PRPF19: variants seen among roughly 807,000 people sequenced by gnomAD.
The protein encoded by PRPF19 is pre-mRNA-processing factor 19.
A neutral mutation model predicts 64.2 loss-of-function variants in PRPF19; 2 were observed. The ratio of observed to expected loss-of-function variants is 0.03; its 90% CI spans 0.01 to 0.10. PRPF19 has a LOEUF of 0.10. Ranked by LOEUF, PRPF19 falls within the 10% of genes least tolerant of loss-of-function variation. The pLI is 1.00. For missense variants in PRPF19, 314 were observed against 650.0 expected, an observed-to-expected ratio of 0.48 and a Z score of 5.62; for synonymous variants, 226 against 251.6, an observed-to-expected ratio of 0.90 and a Z score of 0.96.
intron 15 of PRPF19, among the ~76,000 whole-genome samples, chr11:60,896,913 G>C (rs572405030): frequency 7.9e-5 from 12 of 152,314 alleles, no homozygotes; most frequent in African/African-American, 2.9e-4. Flanking sequence ...ATGTGTTTTA[G>C]TTTTAAGTTA....
chr11:60,901,186 G>A (rs1468078624), intron 8 of PRPF19, 109 bp downstream of exon 8: 15 of 1,241,580 alleles, frequency 1.2e-5, no homozygotes, highest in African/African-American at 1.5e-5. Context: ...CAGGAACAGC[G>A]CCAGGAACCT....
chr11:60,898,935 G>A lies in PRPF19; in HGVS notation c.985-4C>T. 2 of 1,591,232 alleles carry A rather than the reference G, an allele frequency of 1.3e-6. No individual in the cohort carries two copies. The highest frequency in any genetic ancestry group is 1.7e-6 in the Non-Finnish European group (2 of 1,167,982). On this transcript the variant is annotated splice_region_variant and splice_polypyrimidine_tract_variant and intron_variant, in intron 11 of 15. Transcript: ENST00000227524. This position sits in a 1 kb window ranked among gnomAD's most constrained non-coding sequence, Gnocchi z 4.6. ...GGATGTCAGAGAAAGCCCAGTACTG[G>A]GGAAAAAAAAAGAGACAATGGAGTC...
Position 60,898,400 on chromosome 11 carries a change from G to A in PRPF19, c.1141-129C>T. 1 of 1,523,834 alleles carries A rather than the reference G, an allele frequency of 6.6e-7. No individual in the cohort carries two copies. 94.4% of individuals were successfully genotyped at this position (1,523,834 alleles called of 1,614,324 possible). On this transcript the variant is annotated intron_variant, in intron 13 of 15. Transcript: ENST00000227524. This position sits in a 1 kb window ranked among gnomAD's most constrained non-coding sequence, Gnocchi z 4.6. ...GAAGGACAGCCAGCGGGACCCCCCA[G>A]ACCACACCATCATATCACACACGCA...
At chr11:60,892,794 G>A (rs191575217) in intron 15 of PRPF19, among the ~76,000 whole-genome samples, 92 of 152,252 alleles carry the variant, frequency 6.0e-4, no homozygotes, top group African/African-American at 2.0e-3. Flanking sequence ...ATCTCAACCA[G>A]GGAAAATGAA....
At position 60,898,994 on chromosome 11, in the gene PRPF19, T is replaced by C; in HGVS notation, c.985-63A>G. The C allele has an allele frequency of 6.6e-7, 1 of 1,521,406 alleles. No homozygotes were observed. Among genetic ancestry groups the C allele is most frequent in the Non-Finnish European group, 8.9e-7 (1 of 1,119,728 alleles). The allele number at this position is 1,521,406 out of a possible 1,614,324, so 94.2% of individuals were successfully genotyped here. ...AGTGGGTCCCAGGTTCTGGTGGCCC[T>C]TCAGCAAGACAGAGCCCCTGGTTTG... On this transcript the variant is annotated intron_variant, in intron 11 of 15. Transcript: ENST00000227524. The surrounding 1 kb of genome is among the most constrained non-coding windows in gnomAD (Gnocchi z 4.6).
Position 60,897,684 on chromosome 11 carries a change from G to A in PRPF19, c.1417+162C>T, listed in dbSNP as rs576955913. On this transcript the variant is annotated intron_variant, in intron 15 of 15. Coordinates refer to ENST00000227524, the MANE Select transcript of PRPF19 (RefSeq NM_014502.5). The stretch of plus-strand genomic sequence containing the variant: ...AAGCACTAGCATCTACTGCCATGCA[G>A]TCTGACTCAGTTGCTTCCTTAGTCA... 20 of 605,750 alleles carry A rather than the reference G, an allele frequency of 3.3e-5. No individual in the cohort carries two copies. In the East Asian group the frequency reaches 5.4e-4, roughly 16 times the overall value. The allele number at this position is 605,750 out of a possible 1,614,324, so 37.5% of individuals were successfully genotyped here. A position where few individuals can be genotyped will look rare whatever the true frequency, so the allele number is the denominator to read the frequency against.
chr11:60,890,585 TAAA>T lies in PRPF19; in HGVS notation c.*578_*580del, dbSNP rs555441530. On this transcript the variant is annotated 3_prime_UTR_variant, in exon 16 of 16. Transcript: ENST00000227524. ...TTTGTTTTTATTTCTGCTGTGCAAT[TAAA>T]AAAAAAAAAAAAGGGTAAGAGCTGT... is the stretch of plus-strand genomic sequence containing the variant. 703 of 258,342 alleles carry T rather than the reference TAAA, an allele frequency of 2.7e-3. No homozygotes were observed. Among genetic ancestry groups the T allele is most frequent in the South Asian group, 5.3e-3 (152 of 28,936 alleles). 16.0% of individuals were successfully genotyped at this position (258,342 alleles called of 1,614,324 possible).
chr11:60,897,172 T>C (rs1471466564), intron 15 of PRPF19, among the ~76,000 whole-genome samples: 1 of 152,198 alleles, frequency 6.6e-6, no homozygotes. Context: ...TTTAAAAAAA[T>C]CTCTTATACC....
intron 15 of PRPF19, among the ~76,000 whole-genome samples, chr11:60,894,385 T>C (rs1855898212): frequency 6.6e-6 from 1 of 152,240 alleles, no homozygotes; most frequent in Admixed American, 6.5e-5. Flanking sequence ...TCTTCACCAG[T>C]AGAAGATTCC....
chr11:60,891,791 T>C (rs757091753), intron 15 of PRPF19, among the ~76,000 whole-genome samples: 13 of 152,178 alleles, frequency 8.5e-5, no homozygotes, highest in Non-Finnish European at 1.9e-4. Context: ...CAACTCCCCA[T>C]TAAAAAGCTC....
At chr11:60,892,873 G>A (rs535461289) in intron 15 of PRPF19, among the ~76,000 whole-genome samples, 1 of 152,224 alleles carries the variant, frequency 6.6e-6, no homozygotes, top group Admixed American at 6.5e-5. Flanking sequence ...TTTATCTAAG[G>A]TCTGCTCTGA....
chr11:60,896,473 G>T (rs1188519192), intron 15 of PRPF19, among the ~76,000 whole-genome samples: 1 of 152,202 alleles, frequency 6.6e-6, no homozygotes, highest in East Asian at 1.9e-4. Context: ...GAGCCAGTGG[G>T]AAGTAACTGA....
intron 1 of PRPF19, 60 bp from the exon 2 acceptor site, chr11:60,903,921 C>T (rs1287807195): frequency 6.4e-7 from 1 of 1,570,308 alleles, no homozygotes; most frequent in South Asian, 1.2e-5. Context: ...CTAGAGGATT[C>T]CTCATCTGCT....
chr11:60,892,140 TGAA>T (rs1429236351), intron 15 of PRPF19, among the ~76,000 whole-genome samples: 2 of 152,216 alleles, frequency 1.3e-5, no homozygotes, highest in South Asian at 4.1e-4. Context: ...ATTTTCTAGA[TGAA>T]GGAGTTCAAG....
In PRPF19 at chr11:60,898,690, A is replaced by G; in HGVS notation, c.1055-64T>C. On this transcript the variant is annotated intron_variant, in intron 12 of 15. Transcript: ENST00000227524. This position sits in a 1 kb window ranked among gnomAD's most constrained non-coding sequence, Gnocchi z 4.6. ...CCAGGGAGAGAGACTAAGAGCAGCA[A>G]AGGTAGGTTCCTTGTTCTTCACATT... 6.2e-7 allele frequency: 1 copy of G among 1,610,870 alleles called. No homozygotes were observed. The highest frequency in any genetic ancestry group is 8.5e-7 in the Non-Finnish European group (1 of 1,178,192).
intron 15 of PRPF19, among the ~76,000 whole-genome samples, chr11:60,893,503 C>CA (rs59906637): frequency 0.32 from 44,767 of 140,810 alleles, 8,035 homozygotes; most frequent in Middle Eastern, 0.43. Context: ...GACTCAATCT[C>CA]AAAAAAAAAA....
At chr11:60,904,008 A>AC in intron 1 of PRPF19, 147 bp from the exon 2 acceptor site, 1 of 940,774 alleles carries the variant, frequency 1.1e-6, no homozygotes. Context: ...CCAGTTCTGT[A>AC]CTGGCCCCAG....
Position 60,891,099 on chromosome 11 carries a change from C to A in PRPF19, c.*67G>T, listed in dbSNP as rs1489997701. 2.1e-4 allele frequency: 83 copies of A among 388,034 alleles called. 3 individuals are homozygous for A. Among genetic ancestry groups the A allele is most frequent in the African/African-American group, 8.8e-4 (39 of 44,126 alleles). 24.0% of individuals were successfully genotyped at this position (388,034 alleles called of 1,614,324 possible). On this transcript the variant is annotated 3_prime_UTR_variant, in exon 16 of 16. Coordinates refer to ENST00000227524, the MANE Select transcript of PRPF19 (RefSeq NM_014502.5). The stretch of plus-strand genomic sequence containing the variant: ...TCCCCCCATAGATTCCCCCCACCCC[C>A]CCCCCCAAACCCTAATTCTACCCCT...
At chr11:60,893,169 A>G (rs1855881856) in intron 15 of PRPF19, among the ~76,000 whole-genome samples, 1 of 152,226 alleles carries the variant, frequency 6.6e-6, no homozygotes, top group Admixed American at 6.5e-5. Context: ...TACAGGTATA[A>G]ACAAATCTAC....
Sources: gnomAD v4.1 joint callset for allele counts (sites outside exome capture counted in the v4.1 genomes callset) on GRCh38, gnomAD v4.1.1 for gene constraint, Gnocchi (gnomAD v3.1) non-coding constraint, MANE v1.5 for transcripts, NCBI Gene and HGNC (gene_info 2026-07-23, HGNC 2026-07-21) for gene names.